Variants in SVIL observed in about 807,000 individuals in gnomAD.
The protein encoded by SVIL is supervillin.
Under a neutral mutation model 240.4 loss-of-function variants are expected in SVIL, and 101 were observed. The observed-to-expected ratio is 0.42, with a 90% confidence interval of 0.36 to 0.50. The LOEUF is 0.50. SVIL is among the 20% of genes least tolerant of loss of function. The pLI is 0.01. For synonymous variants in SVIL, 999 were observed against 1,100.0 expected (o/e 0.91, Z 1.82); for missense variants, 2,512 against 2,818.7 (o/e 0.89, Z 2.46).
intron 33 of SVIL, among the ~76,000 whole-genome samples, chr10:29,465,991 A>T (rs888242665): frequency 2.0e-5 from 3 of 152,144 alleles, no homozygotes; most frequent in Non-Finnish European, 4.4e-5. Context: ...AGAAAAGAAA[A>T]ACCAAGTAAC....
chr10:29,592,864 G>A (rs1299159031), intron 1 of SVIL, among the ~76,000 whole-genome samples: 2 of 152,060 alleles, frequency 1.3e-5, no homozygotes, highest in Admixed American at 1.3e-4. Context: ...AATGACTAAT[G>A]TTCTATCTCA....
Position 29,480,584 on chromosome 10 carries a change from T to A in SVIL, c.5330A>T (p.Glu1777Val). The change falls in exon 29 of 38, where the codon GAG becomes GTG. Residue 1777 changes from glutamate (E) to valine (V), a missense_variant. By Grantham distance (121) the Glu-to-Val change is moderately radical (BLOSUM62 -2). Around this residue, in one of 3 missense-constraint regions of SVIL, gnomAD observed 797 missense variants for 925.3 expected, o/e 0.86. Transcript: ENST00000355867. Reference protein sequence around the residue: ...LPKQSIGQFHEGDAYVVKWKF... With the variant: ...LPKQSIGQFHVGDAYVVKWKF... The stretch of plus-strand genomic sequence containing the variant: ...CCACTTGACCACATAGGCATCCCCC[T>A]CATGGAACTGCCCGATGCTTTGTTT... 1 of 1,613,938 alleles carries A rather than the reference T, an allele frequency of 6.2e-7. No individual in the cohort carries two copies. The highest frequency in any genetic ancestry group is 8.5e-7 in the Non-Finnish European group (1 of 1,180,028).
At chr10:29,719,060 A>G (rs951846922) in intron 1 of SVIL, among the ~76,000 whole-genome samples, 2 of 152,172 alleles carry the variant, frequency 1.3e-5, no homozygotes, top group African/African-American at 4.8e-5. Context: ...GTGAGCTGAG[A>G]TCGTGCCACT....
Position 29,715,563 on chromosome 10 carries a change from G to A in SVIL, c.-400+20188C>T, listed in dbSNP as rs547303194. ...GCAGTTGACCTATAAACTCTGCCTT[G>A]GCCTTGTCCCAAGCTAATCCCTATT... On this transcript the variant is annotated intron_variant, in intron 1 of 35. Coordinates refer to the SVIL transcript ENST00000375400. 4.6e-5 allele frequency among the ~76,000 whole-genome samples: 7 copies of A among 152,268 alleles called. No homozygotes were observed. The South Asian group carries it at 1.0e-3, about 23-fold the overall frequency.
chr10:29,636,804 GTTTTGTT>G (rs1279028763), upstream of SVIL, among the ~76,000 whole-genome samples: 1 of 151,972 alleles, frequency 6.6e-6, no homozygotes, highest in East Asian at 1.9e-4. Context: ...GTTTTGTTTT[GTTTTGTT>G]TTGTTTTTTT....
At chr10:29,692,323 G>A (rs903058334) in intron 1 of SVIL, among the ~76,000 whole-genome samples, 2 of 152,126 alleles carry the variant, frequency 1.3e-5, no homozygotes, top group East Asian at 1.9e-4. Flanking sequence ...GCAGAAGGAT[G>A]GAGACAGAAC....
intron 17 of SVIL, among the ~76,000 whole-genome samples, chr10:29,501,402 G>C (rs1948882029): frequency 6.6e-6 from 1 of 150,982 alleles, no homozygotes; most frequent in Non-Finnish European, 1.5e-5. Context: ...ACTGGCACAT[G>C]GTTGGGGTGG....
At chr10:29,682,013 C>G (rs1473030483) in intron 2 of SVIL, among the ~76,000 whole-genome samples, 1 of 152,132 alleles carries the variant, frequency 6.6e-6, no homozygotes, top group Admixed American at 6.5e-5. Flanking sequence ...CTTCCTGTCC[C>G]CACTCCCTCA....
Position 29,532,095 on chromosome 10 carries a change from G to C in SVIL, c.1916C>G (p.Pro639Arg), listed in dbSNP as rs1589138436. 3 of 1,614,044 alleles carry C rather than the reference G, an allele frequency of 1.9e-6. No individual in the cohort carries two copies. Among genetic ancestry groups the C allele is most frequent in the African/African-American group, 2.7e-5 (2 of 75,034 alleles). The change falls in exon 9 of 38, where the codon CCA (proline) becomes CGA (arginine). Residue 639 changes from proline (P) to arginine (R), a missense_variant. Around this residue, in one of 3 missense-constraint regions of SVIL, gnomAD observed 1,443 missense variants for 1,486.6 expected, o/e 0.97. Coordinates refer to ENST00000355867, the MANE Select transcript of SVIL (RefSeq NM_021738.3). ...GVERERGSRK[P>R]RRYFSPGESR... ...TTCACCAGGAGAAAAATAGCGTCTT[G>C]GTTTCCGGGACCCTCTCTCCCGTTC...
At chr10:29,566,142 C>T (rs1344528124) in intron 2 of SVIL, among the ~76,000 whole-genome samples, 1 of 152,094 alleles carries the variant, frequency 6.6e-6, no homozygotes, top group East Asian at 1.9e-4. Context: ...TTATCACCCT[C>T]CCTCCTTTCC....
At chr10:29,722,692 C>T (rs1160920352) in intron 1 of SVIL, among the ~76,000 whole-genome samples, 1 of 152,140 alleles carries the variant, frequency 6.6e-6, no homozygotes, top group Non-Finnish European at 1.5e-5. Context: ...TGCTTGAATT[C>T]TAGCCTCTAA....
At chr10:29,622,244 C>T (rs1457217947) in intron 1 of SVIL, among the ~76,000 whole-genome samples, 2 of 79,482 alleles carry the variant, frequency 2.5e-5, no homozygotes, top group Non-Finnish European at 4.7e-5. Flanking sequence ...AGTGAGACTC[C>T]GTCTCAAAAA....
chr10:29,464,767 C>T (rs1229241269), intron 34 of SVIL, among the ~76,000 whole-genome samples: 1 of 140,568 alleles, frequency 7.1e-6, no homozygotes, highest in Admixed American at 8.2e-5. Flanking sequence ...GATCCCGGTG[C>T]AAGATGAGGT....
intron 36 of SVIL, among the ~76,000 whole-genome samples, chr10:29,460,287 G>T (rs1404912071): frequency 6.6e-6 from 1 of 152,176 alleles, no homozygotes; most frequent in Non-Finnish European, 1.5e-5. Flanking sequence ...AGTGCTTGGA[G>T]ATGTGCCTAG....
intron 13 of SVIL, among the ~76,000 whole-genome samples, chr10:29,526,109 C>G (rs369595005): frequency 5.3e-5 from 8 of 152,142 alleles, no homozygotes; most frequent in African/African-American, 1.9e-4. Context: ...AAAACATCTA[C>G]GTTTAGACAC....
chr10:29,546,392 T>A (rs898059349), intron 6 of SVIL, among the ~76,000 whole-genome samples: 1 of 152,228 alleles, frequency 6.6e-6, no homozygotes, highest in Admixed American at 6.5e-5. Flanking sequence ...GAGCAATGTG[T>A]CCAACTGAAT....
chr10:29,458,391 G>GT, intron 37 of SVIL, 43 bp downstream of exon 37: 1 of 1,609,478 alleles, frequency 6.2e-7, no homozygotes, highest in African/African-American at 1.3e-5. Flanking sequence ...GCGTGCGTGT[G>GT]TTGTTTTACT....
chr10:29,665,968 A>C lies in SVIL; in HGVS notation c.-300-7900T>G, dbSNP rs192984996. On this transcript the variant is annotated intron_variant, in intron 2 of 35. Coordinates refer to the SVIL transcript ENST00000375400. ...TCCTGATTGATCCTGGATGACTTTC[A>C]CCTCCTTTCTCAAGGTTTAAGTGAT... 6.1e-4 allele frequency among the ~76,000 whole-genome samples: 93 copies of C among 152,280 alleles called. No homozygotes were observed. The South Asian group carries it at 0.011, about 18-fold the overall frequency.
intron 2 of SVIL, among the ~76,000 whole-genome samples, chr10:29,662,953 A>G (rs896465479): frequency 1.6e-4 from 25 of 152,324 alleles, no homozygotes; most frequent in Admixed American, 1.6e-3. Flanking sequence ...TCTACAAAAA[A>G]GTAAAGAAAA....
Sources: gnomAD v4.1 joint callset for allele counts (sites outside exome capture counted in the v4.1 genomes callset) on GRCh38, gnomAD v4.1.1 for gene constraint, gnomAD v4.1.1 regional missense constraint, MANE v1.5 for transcripts, NCBI Gene and HGNC (gene_info 2026-07-23, HGNC 2026-07-21) for gene names.